Variants in CEP120 observed in about 807,000 individuals in gnomAD.
CEP120 encodes centrosomal protein 120, also known as centrosomal protein of 120 kDa.
CEP120 carries 113 observed loss-of-function variants against 126.5 expected under a neutral mutation model. The observed-to-expected ratio is 0.89, with a 90% CI of 0.77 to 1.04. The LOEUF is 1.04. Among genes scored for constraint, CEP120 ranks in the 50% least tolerant of loss-of-function variants. The pLI is 0.00. For synonymous variants in CEP120, 400 were observed against 394.3 expected, an observed-to-expected ratio of 1.01 and a Z score of -0.17; for missense variants, 1,230 against 1,155.7, an observed-to-expected ratio of 1.06 and a Z score of -0.93.
intron 16 of CEP120, among the ~76,000 whole-genome samples, chr5:123,374,747 A>G (rs994768960): frequency 9.2e-5 from 14 of 152,290 alleles, no homozygotes; most frequent in African/African-American, 3.1e-4. Flanking sequence ...TAACATCCAA[A>G]GTTGAACAGA....
At chr5:123,353,222 A>G (rs1222226991) in intron 18 of CEP120, among the ~76,000 whole-genome samples, 2 of 151,880 alleles carry the variant, frequency 1.3e-5, no homozygotes, top group African/African-American at 4.8e-5. Flanking sequence ...TTATTTTAAG[A>G]ATGTTTTTTG....
chr5:123,377,671 A>C, intron 15 of CEP120, 136 bp from the exon 16 acceptor site: 1 of 655,724 alleles, frequency 1.5e-6, no homozygotes, highest in Non-Finnish European at 2.4e-6. Flanking sequence ...TAGTTATTAG[A>C]GAGTTAATGT....
In CEP120 at chr5:123,412,306, C is replaced by CTGCATATATGTCCCTATAACACTCCCG; in HGVS notation, c.463+66_463+92dup. ...ATTTGTCTGATGAACAGTTTACACC[C>CTGCATATATGTCCCTATAACACTCCCG]TGCATATATGTCCCTATAACACTCC... On this transcript the variant is annotated intron_variant, in intron 4 of 19. Transcript: ENST00000306467. 3 of 1,204,672 alleles carry CTGCATATATGTCCCTATAACACTCCCG rather than the reference C, an allele frequency of 2.5e-6. No individual in the cohort carries two copies. The South Asian group carries it at 5.3e-5, about 21-fold the overall frequency. The allele number at this position is 1,204,672 out of a possible 1,614,324, so 74.6% of individuals were successfully genotyped here.
At chr5:123,387,295 A>G (rs1329248829) in intron 9 of CEP120, among the ~76,000 whole-genome samples, 5 of 152,150 alleles carry the variant, frequency 3.3e-5, no homozygotes, top group Non-Finnish European at 7.4e-5. Flanking sequence ...CTTTCCAACA[A>G]GAAGAATTCT....
chr5:123,391,133 G>A lies in CEP120; in HGVS notation c.1015C>T (p.Gln339Ter), dbSNP rs750503065. Reference protein sequence around the residue: ...APTVGVSVALQREGIDSQSLI... With the variant: ...APTVGVSVAL Reference sequence around the variant, plus strand: ...GCCTGGGAGTCTATGCCTTCTCTCTGCAGAGCCACAGACACTCCCACAGTT... The same window carrying A: ...GCCTGGGAGTCTATGCCTTCTCTCTACAGAGCCACAGACACTCCCACAGTT... Residue 339 changes from glutamine to a stop codon, truncating the protein, a stop_gained, in exon 7 of 20, where the codon CAG becomes TAG. Coordinates refer to ENST00000306467, the MANE Select transcript of CEP120 (RefSeq NM_001375405.1). LOFTEE classifies it high-confidence loss of function. 1 of 1,613,968 alleles carries A rather than the reference G, an allele frequency of 6.2e-7. No individual in the cohort carries two copies. The highest frequency in any genetic ancestry group is 2.2e-5 in the East Asian group (1 of 44,878).
At chr5:123,359,337 A>G (rs11241690) in intron 18 of CEP120, among the ~76,000 whole-genome samples, 108,700 of 151,878 alleles carry the variant, frequency 0.72, 39,049 homozygotes, top group African/African-American at 0.75. Flanking sequence ...TGTCTACAAC[A>G]AACTCATACT....
chr5:123,371,879 A>G (rs1770878967), intron 17 of CEP120, among the ~76,000 whole-genome samples: 1 of 152,046 alleles, frequency 6.6e-6, no homozygotes, highest in African/African-American at 2.4e-5. Context: ...TTTAAAGGTA[A>G]TTTTCCTATG....
chr5:123,402,699 C>T (rs1011071304), intron 4 of CEP120, among the ~76,000 whole-genome samples: 7 of 152,170 alleles, frequency 4.6e-5, no homozygotes, highest in African/African-American at 7.2e-5. Flanking sequence ...CGTGAGCCAC[C>T]GCACCTGGCA....
At chr5:123,411,190 T>C (rs1213643015) in intron 4 of CEP120, among the ~76,000 whole-genome samples, 1 of 152,138 alleles carries the variant, frequency 6.6e-6, no homozygotes, top group Non-Finnish European at 1.5e-5. Flanking sequence ...CAAATTCTGG[T>C]AAGAATATGG....
intron 5 of CEP120, among the ~76,000 whole-genome samples, chr5:123,398,009 T>C (rs10900767): frequency 0.44 from 66,876 of 151,914 alleles, 14,675 homozygotes; most frequent in East Asian, 0.48. Context: ...AACTGACTCT[T>C]GGAGCTTGAG....
intron 4 of CEP120, among the ~76,000 whole-genome samples, chr5:123,409,188 C>A (rs1295692214): frequency 6.6e-6 from 1 of 152,164 alleles, no homozygotes; most frequent in Non-Finnish European, 1.5e-5. Context: ...ATCACATAAT[C>A]TTATCAATAG....
chr5:123,420,113 C>T (rs2127144763), intron 1 of CEP120, among the ~76,000 whole-genome samples: 1 of 152,306 alleles, frequency 6.6e-6, no homozygotes, highest in African/African-American at 2.4e-5. Flanking sequence ...AGTATTAACA[C>T]ACATCGCACA....
At chr5:123,413,164 T>C (rs1185641435) in intron 3 of CEP120, among the ~76,000 whole-genome samples, 1 of 151,774 alleles carries the variant, frequency 6.6e-6, no homozygotes, top group Non-Finnish European at 1.5e-5. Flanking sequence ...CCCAGCTACC[T>C]GGGAGGCTGA....
At chr5:123,360,383 A>G (rs1769987762) in intron 18 of CEP120, among the ~76,000 whole-genome samples, 1 of 151,862 alleles carries the variant, frequency 6.6e-6, no homozygotes, top group Non-Finnish European at 1.5e-5. Flanking sequence ...TCTGCAGAAC[A>G]TCAATGATTC....
chr5:123,374,503 G>C (rs1473187381), intron 16 of CEP120, among the ~76,000 whole-genome samples: 1 of 151,932 alleles, frequency 6.6e-6, no homozygotes, highest in Non-Finnish European at 1.5e-5. Flanking sequence ...TGCGAACAAA[G>C]ATTGCTAAAG....
At chr5:123,359,766 G>T (rs1361968426) in intron 18 of CEP120, among the ~76,000 whole-genome samples, 1 of 151,524 alleles carries the variant, frequency 6.6e-6, no homozygotes, top group Non-Finnish European at 1.5e-5. Flanking sequence ...TGAATCAAAA[G>T]AAAAGATTTT....
chr5:123,380,861 T>G (rs182350000), intron 14 of CEP120, among the ~76,000 whole-genome samples: 2 of 152,252 alleles, frequency 1.3e-5, no homozygotes, highest in Admixed American at 1.3e-4. Context: ...ACTCACTTAA[T>G]AACAGGATAA....
chr5:123,362,803 A>G (rs1770184134), intron 18 of CEP120, among the ~76,000 whole-genome samples: 1 of 151,696 alleles, frequency 6.6e-6, no homozygotes, highest in Non-Finnish European at 1.5e-5. Context: ...CTTTATGTCT[A>G]TTTTTAAGCC....
chr5:123,370,041 A>G (rs1488330721), intron 17 of CEP120, among the ~76,000 whole-genome samples: 1 of 152,064 alleles, frequency 6.6e-6, no homozygotes, highest in African/African-American at 2.4e-5. Context: ...AATTCTGAGT[A>G]GCATACATGG....
Sources: allele counts gnomAD v4.1 joint callset (sites outside exome capture counted in the v4.1 genomes callset), GRCh38; gene constraint gnomAD v4.1.1; transcripts MANE v1.5; gene names NCBI Gene and HGNC (gene_info 2026-07-23, HGNC 2026-07-21).